BLM: variants seen among roughly 807,000 people sequenced by gnomAD.
BLM encodes BLM RecQ like helicase.
BLM carries 95 observed loss-of-function variants against 135.3 expected under a neutral mutation model. The ratio of observed to expected loss-of-function variants is 0.70; its 90% CI spans 0.59 to 0.83. The LOEUF (loss-of-function observed/expected upper bound fraction) is 0.83, where lower values mean the gene tolerates loss of function less well. BLM is among the 40% of genes least tolerant of loss of function. BLM has a pLI of 0.00. For synonymous variants in BLM, 520 were observed against 589.2 expected (o/e 0.88, Z 1.70); for missense variants, 1,518 against 1,663.9 (o/e 0.91, Z 1.53).
intron 3 of BLM, among the ~76,000 whole-genome samples, chr15:90,751,188 A>G (rs961086078): frequency 6.6e-6 from 1 of 152,228 alleles, no homozygotes; most frequent in Non-Finnish European, 1.5e-5. Flanking sequence ...TGCAAATATG[A>G]GAGTAAAATT....
intron 1 of BLM, among the ~76,000 whole-genome samples, chr15:90,736,980 T>C (rs1895235439): frequency 1.3e-5 from 2 of 152,224 alleles, no homozygotes; most frequent in Admixed American, 1.3e-4. Context: ...TTTAGAACTA[T>C]GTAAATGTTT....
intron 2 of BLM, 38 bp from the exon 3 acceptor site, chr15:90,749,329 A>C (rs1394840724): frequency 6.7e-7 from 1 of 1,491,476 alleles, no homozygotes; most frequent in African/African-American, 1.4e-5. Flanking sequence ...GTTTCTTAAA[A>C]TGGATCCATC....
Position 90,766,659 on chromosome 15 carries a change from C to A in BLM, c.2194-251C>A, listed in dbSNP as rs1181919626. ...GCCATGCTAGTCTTGAACTCCTGAC[C>A]CCAAGTGATCCACCTGCCTCAGCCT... is the stretch of plus-strand genomic sequence containing the variant. On this transcript the variant is annotated intron_variant, in intron 9 of 21. Transcript: ENST00000355112. Among the ~76,000 whole-genome samples the A allele has an allele frequency of 2.0e-5, 3 of 152,096 alleles. No homozygotes were observed. In the East Asian group the frequency reaches 5.8e-4, roughly 29 times the overall value.
At chr15:90,773,277 A>T (rs1029545016) in intron 12 of BLM, among the ~76,000 whole-genome samples, 1 of 151,010 alleles carries the variant, frequency 6.6e-6, no homozygotes, top group African/African-American at 2.4e-5. Context: ...AAAATTAACC[A>T]GGTGTGGTGG....
intron 5 of BLM, among the ~76,000 whole-genome samples, chr15:90,755,864 C>T (rs1895803726): frequency 6.6e-6 from 1 of 152,102 alleles, no homozygotes; most frequent in African/African-American, 2.4e-5. Context: ...CTCTGTCGTG[C>T]ATTCGAGTCT....
At chr15:90,725,242 C>T (rs1894879551) in intron 1 of BLM, among the ~76,000 whole-genome samples, 1 of 152,082 alleles carries the variant, frequency 6.6e-6, no homozygotes, top group Non-Finnish European at 1.5e-5. Context: ...TAATTACAAA[C>T]TGATAGGTCA....
In BLM at chr15:90,790,673, G is replaced by T. The variant is rs1215334301; in HGVS notation, c.2848G>T (p.Gly950Ter). Residue 950 changes from glycine to a stop codon, truncating the protein, a stop_gained, in exon 15 of 22, where the codon GGA becomes TGA. Coordinates refer to ENST00000355112, the MANE Select transcript of BLM (RefSeq NM_000057.4). LOFTEE classifies it high-confidence loss of function. ...CQVICATIAF[G>*]MGIDKPDVRF... Reference sequence around the variant, plus strand: ...GGTTATCTGTGCTACAATTGCATTTGGAATGGGGATTGACAAACCGGACGT... The same window carrying T: ...GGTTATCTGTGCTACAATTGCATTTTGAATGGGGATTGACAAACCGGACGT... The T allele has an allele frequency of 1.9e-6, 3 of 1,614,008 alleles. No individual in the cohort carries two copies. Among genetic ancestry groups the T allele is most frequent in the Non-Finnish European group, 1.7e-6 (2 of 1,180,030 alleles).
At chr15:90,798,696 CAG>C (rs138441557) in intron 17 of BLM, among the ~76,000 whole-genome samples, 23,298 of 151,968 alleles carry the variant, frequency 0.15, 1,887 homozygotes, top group Non-Finnish European at 0.19. Flanking sequence ...AAAAATCTCT[CAG>C]GGGCTGAGCA....
chr15:90,762,954 T>C lies in BLM; in HGVS notation c.1883-12T>C. 6.2e-7 allele frequency: 1 copy of C among 1,611,280 alleles called. No homozygotes were observed. The highest frequency in any genetic ancestry group is 8.5e-7 in the Non-Finnish European group (1 of 1,178,312). On this transcript the variant is annotated splice_polypyrimidine_tract_variant and intron_variant, in intron 7 of 21. Coordinates refer to ENST00000355112, the MANE Select transcript of BLM (RefSeq NM_000057.4). ...ATGTACTGATTTTTCTTAACGTTGA[T>C]TATTTTCCTAGACAAGTCAGCACAA...
chr15:90,762,930 T>C, intron 7 of BLM, 36 bp from the exon 8 acceptor site: 1 of 1,569,046 alleles, frequency 6.4e-7, no homozygotes, highest in African/African-American at 1.4e-5. Flanking sequence ...ACTGTATTCA[T>C]GTACTGATTT....
In BLM at chr15:90,792,079, A is replaced by T. The variant is rs575837347; in HGVS notation, c.3019+1235A>T. Among the ~76,000 whole-genome samples, 3 of 143,616 alleles carry T rather than the reference A, an allele frequency of 2.1e-5. No individual in the cohort carries two copies. The East Asian group carries it at 6.5e-4, about 31-fold the overall frequency. 94.2% of individuals were successfully genotyped at this position (143,616 alleles called of 152,430 possible). On this transcript the variant is annotated intron_variant, in intron 15 of 21. Coordinates refer to ENST00000355112, the MANE Select transcript of BLM (RefSeq NM_000057.4). ...CCTAAATATATGTATTTCTTCTGAG[A>T]CCACTTTTTTTTTTCTTTTTTTTTT... is the stretch of plus-strand genomic sequence containing the variant.
intron 21 of BLM, among the ~76,000 whole-genome samples, chr15:90,814,500 G>A (rs906430608): frequency 6.6e-6 from 1 of 152,202 alleles, no homozygotes; most frequent in Non-Finnish European, 1.5e-5. Context: ...ATCTCTGGGT[G>A]TAGGCAGGTG....
chr15:90,792,385 C>T (rs1250898143), intron 15 of BLM, among the ~76,000 whole-genome samples: 2 of 152,106 alleles, frequency 1.3e-5, no homozygotes, highest in African/African-American at 2.4e-5. Flanking sequence ...GGATTACAGG[C>T]GTGAGCCACT....
At chr15:90,769,638 A>C (rs1239834857) in intron 12 of BLM, 52 bp downstream of exon 12, 3 of 1,583,214 alleles carry the variant, frequency 1.9e-6, no homozygotes, top group East Asian at 2.3e-5. Context: ...TGACTGCCAG[A>C]GCTGCTACAT....
At chr15:90,806,779 C>G (rs1024418729) in intron 19 of BLM, among the ~76,000 whole-genome samples, 12 of 152,216 alleles carry the variant, frequency 7.9e-5, no homozygotes. Flanking sequence ...ATCACCTTCT[C>G]TCTTCTTCAT....
chr15:90,740,779 A>G (rs1419864828), intron 1 of BLM, among the ~76,000 whole-genome samples: 1 of 152,060 alleles, frequency 6.6e-6, no homozygotes, highest in African/African-American at 2.4e-5. Flanking sequence ...ACGAGAGCTG[A>G]TGGTTTTATA....
chr15:90,742,313 G>A (rs1270919712), intron 1 of BLM, among the ~76,000 whole-genome samples: 5 of 152,160 alleles, frequency 3.3e-5, no homozygotes, highest in Admixed American at 6.5e-5. Flanking sequence ...ACAGAGCGAC[G>A]CTCTGTTTTT....
chr15:90,797,186 G>A (rs935682603), intron 16 of BLM, among the ~76,000 whole-genome samples: 9 of 152,020 alleles, frequency 5.9e-5, no homozygotes, highest in African/African-American at 1.2e-4. Context: ...GGCTGAGGCC[G>A]GCGGATCACC....
At chr15:90,805,066 C>T (rs1173893769) in intron 19 of BLM, among the ~76,000 whole-genome samples, 1 of 152,046 alleles carries the variant, frequency 6.6e-6, no homozygotes, top group African/African-American at 2.4e-5. Context: ...AAACTCCCAA[C>T]CTCAGGTGAT....
Sources: allele counts gnomAD v4.1 joint callset (sites outside exome capture counted in the v4.1 genomes callset), GRCh38; gene constraint gnomAD v4.1.1; transcripts MANE v1.5; gene names NCBI Gene and HGNC (gene_info 2026-07-23, HGNC 2026-07-21).